Variants in COG5 observed in about 807,000 individuals in gnomAD.
The protein encoded by COG5 is conserved oligomeric Golgi complex subunit 5.
In COG5, 86 loss-of-function variants were observed where a neutral mutation model predicts 110.4. The ratio of observed to expected loss-of-function variants is 0.78; its 90% confidence interval spans 0.65 to 0.93. The LOEUF (loss-of-function observed/expected upper bound fraction) is 0.93. Ranked by LOEUF, COG5 falls within the 40% of genes least tolerant of loss-of-function variation. The pLI is 0.00. For missense variants in COG5, 1,077 were observed against 987.0 expected (o/e 1.09, Z -1.22); for synonymous variants, 360 against 334.6 (o/e 1.08, Z -0.83).
rs774414370 is a variant in COG5 at position 107,412,493 on chromosome 7, T to A, written c.669+9A>T. ...TTTTTACATTAAAAAACAGTCTTAT[T>A]TTTATTACCTGAGTCTCCAAACCCT... On this transcript the variant is annotated intron_variant, in intron 7 of 21. Coordinates refer to ENST00000297135, the MANE Select transcript of COG5 (RefSeq NM_006348.5). 9 of 1,612,116 alleles carry A rather than the reference T, an allele frequency of 5.6e-6. No homozygotes were observed. The Admixed American group carries it at 1.0e-4, about 18-fold the overall frequency.
intron 21 of COG5, chr7:107,208,337 C>A: frequency 1.0e-6 from 1 of 985,378 alleles, no homozygotes; most frequent in South Asian, 4.7e-5. Flanking sequence ...CTGATGAAAT[C>A]ACTCAGGAGA....
intron 21 of COG5, 56 bp from the exon 22 acceptor site, chr7:107,203,686 TAAG>T (rs2116087802): frequency 9.3e-7 from 1 of 1,078,996 alleles, no homozygotes; most frequent in South Asian, 1.3e-5. Flanking sequence ...ATAAAACAGT[TAAG>T]GGGATACCAA....
At chr7:107,466,848 T>C (rs1796322111) in intron 6 of COG5, among the ~76,000 whole-genome samples, 1 of 152,232 alleles carries the variant, frequency 6.6e-6, no homozygotes, top group Non-Finnish European at 1.5e-5. Flanking sequence ...CAATTAAAAA[T>C]TGTTTGTACA....
intron 12 of COG5, among the ~76,000 whole-genome samples, chr7:107,291,348 A>G (rs1469392789): frequency 6.6e-6 from 1 of 152,184 alleles, no homozygotes; most frequent in Non-Finnish European, 1.5e-5. Context: ...ACAGAACTAA[A>G]GGAAGGCATG....
chr7:107,256,199 C>T (rs1476756386), intron 16 of COG5, among the ~76,000 whole-genome samples: 3 of 151,916 alleles, frequency 2.0e-5, no homozygotes, highest in African/African-American at 7.3e-5. Context: ...GGTTTTATGC[C>T]TCAGTTTAAA....
At chr7:107,507,854 G>A (rs756862395) in intron 6 of COG5, among the ~76,000 whole-genome samples, 10 of 152,156 alleles carry the variant, frequency 6.6e-5, no homozygotes, top group Non-Finnish European at 1.5e-4. Context: ...CACAATAAAT[G>A]TATCATAATG....
At chr7:107,317,491 C>T (rs1200284817) in intron 11 of COG5, among the ~76,000 whole-genome samples, 2 of 152,106 alleles carry the variant, frequency 1.3e-5, no homozygotes, top group Non-Finnish European at 2.9e-5. Flanking sequence ...AGAATAATCC[C>T]TATTCTCTAA....
chr7:107,216,361 A>T (rs537596924), intron 19 of COG5, among the ~76,000 whole-genome samples: 1 of 152,362 alleles, frequency 6.6e-6, no homozygotes, highest in African/African-American at 2.4e-5. Flanking sequence ...AAAGTTAATA[A>T]GGAAACAATG....
chr7:107,520,325 G>C (rs769600451), intron 6 of COG5, among the ~76,000 whole-genome samples: 4 of 152,124 alleles, frequency 2.6e-5, no homozygotes, highest in Admixed American at 2.6e-4. Flanking sequence ...GAAATAAAGC[G>C]TATTCAAATA....
chr7:107,428,343 C>A (rs1297718205), intron 6 of COG5, among the ~76,000 whole-genome samples: 2 of 152,000 alleles, frequency 1.3e-5, no homozygotes, highest in Non-Finnish European at 2.9e-5. Flanking sequence ...ATGACTGGTG[C>A]CCCTAAAAGA....
At chr7:107,226,517 A>T (rs936696822) in intron 19 of COG5, among the ~76,000 whole-genome samples, 1 of 152,302 alleles carries the variant, frequency 6.6e-6, no homozygotes, top group Non-Finnish European at 1.5e-5. Context: ...ACTCCTCTCT[A>T]GGAAGGAATT....
chr7:107,316,219 A>G (rs564787449), intron 11 of COG5, among the ~76,000 whole-genome samples: 1 of 152,318 alleles, frequency 6.6e-6, no homozygotes, highest in South Asian at 2.1e-4. Context: ...TGGGAGCAAC[A>G]TGAATAGGTT....
intron 11 of COG5, among the ~76,000 whole-genome samples, chr7:107,306,255 C>T (rs1050304611): frequency 6.6e-6 from 1 of 151,996 alleles, no homozygotes; most frequent in Non-Finnish European, 1.5e-5. Context: ...TTCAGACATA[C>T]AATAAGAGTA....
intron 6 of COG5, among the ~76,000 whole-genome samples, chr7:107,523,578 G>T (rs1800490571): frequency 6.6e-6 from 1 of 152,208 alleles, no homozygotes; most frequent in African/African-American, 2.4e-5. Context: ...ACTTTGGGAG[G>T]CCGAGAAGGG....
intron 19 of COG5, among the ~76,000 whole-genome samples, chr7:107,228,306 C>CAAAA (rs201009011): frequency 0.012 from 820 of 67,490 alleles, 15 homozygotes; most frequent in African/African-American, 0.042. Flanking sequence ...CACCCGGTCT[C>CAAAA]AAAAAAAAAA....
At chr7:107,365,423 A>G (rs1316222568) in intron 8 of COG5, among the ~76,000 whole-genome samples, 1 of 151,952 alleles carries the variant, frequency 6.6e-6, no homozygotes, top group Non-Finnish European at 1.5e-5. Context: ...GTTGCTGTAG[A>G]TAAGTCAAAA....
At chr7:107,480,725 A>G (rs1250253406) in intron 6 of COG5, 1 of 152,172 alleles carries the variant, frequency 6.6e-6, no homozygotes, top group Non-Finnish European at 1.5e-5. Context: ...CAAACAATGC[A>G]TCATAACAAG....
At chr7:107,561,962 C>G (rs548416239) in intron 1 of COG5, among the ~76,000 whole-genome samples, 219 of 149,918 alleles carry the variant, frequency 1.5e-3, no homozygotes, top group Middle Eastern at 3.4e-3. Context: ...GGCAACAGCG[C>G]GAGACTCCGT....
chr7:107,563,102 T>G (rs1241875896), intron 1 of COG5, among the ~76,000 whole-genome samples: 6 of 152,200 alleles, frequency 3.9e-5, no homozygotes, highest in African/African-American at 1.4e-4. Flanking sequence ...ATTCGGGACA[T>G]GGTAACTGGA....
Sources: gnomAD v4.1 joint callset for allele counts (sites outside exome capture counted in the v4.1 genomes callset) on GRCh38, gnomAD v4.1.1 for gene constraint, MANE v1.5 for transcripts, NCBI Gene and HGNC (gene_info 2026-07-23, HGNC 2026-07-21) for gene names.